The following CTNNA2 variants were observed in gnomAD, a reference collection of about 807,000 sequenced individuals.
CTNNA2 encodes catenin alpha 2, also known as catenin alpha-2.
In CTNNA2, 42 loss-of-function variants were observed where a neutral mutation model predicts 101.0. The observed-to-expected ratio is 0.42, with a 90% confidence interval of 0.32 to 0.54. The LOEUF is 0.54. Ranked by LOEUF, CTNNA2 falls within the 20% of genes least tolerant of loss-of-function variation. The pLI is 0.14. For missense variants in CTNNA2, 871 were observed against 1,223.1 expected (o/e 0.71, Z 4.29); for synonymous variants, 450 against 456.4 (o/e 0.99, Z 0.18).
At chr2:79,366,871 T>G (rs1677762276) in intron 3 of CTNNA2, among the ~76,000 whole-genome samples, 1 of 152,166 alleles carries the variant, frequency 6.6e-6, no homozygotes, top group South Asian at 2.1e-4. Context: ...GAAAAAGTGT[T>G]GGGTGAGTGG....
chr2:79,387,619 G>C (rs1678119311), intron 4 of CTNNA2, among the ~76,000 whole-genome samples: 1 of 152,166 alleles, frequency 6.6e-6, no homozygotes, highest in Non-Finnish European at 1.5e-5. Context: ...GCACAGGTTG[G>C]CACCGACACT....
At chr2:79,487,248 T>C (rs1671167250) in intron 4 of CTNNA2, among the ~76,000 whole-genome samples, 1 of 2,154 alleles carries the variant, frequency 4.6e-4, no homozygotes, top group African/African-American at 4.0e-3. Context: ...AAATATTCTA[T>C]ACGTTGCAAA....
At chr2:79,750,645 G>A (rs1475485983) in intron 3 of CTNNA2, among the ~76,000 whole-genome samples, 2 of 151,978 alleles carry the variant, frequency 1.3e-5, no homozygotes, top group East Asian at 1.9e-4. Flanking sequence ...GGCAGATCAC[G>A]AGGTTAGGAG....
At chr2:79,187,270 C>CTTTTCTTTTCT (rs1242631840) in intron 1 of CTNNA2, among the ~76,000 whole-genome samples, 3 of 65,438 alleles carry the variant, frequency 4.6e-5, no homozygotes, top group East Asian at 9.2e-4. Flanking sequence ...CTTTTCTTTT[C>CTTTTCTTTTCT]TTTTTTTTTT....
At chr2:79,620,407 G>T (rs77188193) in intron 1 of CTNNA2, among the ~76,000 whole-genome samples, 3,723 of 152,142 alleles carry the variant, frequency 0.024, 146 homozygotes, top group African/African-American at 0.085. Context: ...TTCCTTTCAG[G>T]ATAGTGAAAT....
chr2:79,469,765 C>G (rs1251916828), intron 4 of CTNNA2, among the ~76,000 whole-genome samples: 2 of 152,038 alleles, frequency 1.3e-5, no homozygotes, highest in Admixed American at 6.5e-5. Context: ...ATAAACAGAA[C>G]CAAAGACAAA....
chr2:79,926,075 CTGTT>C (rs532809049), intron 7 of CTNNA2, among the ~76,000 whole-genome samples: 14 of 152,100 alleles, frequency 9.2e-5, no homozygotes, highest in Non-Finnish European at 2.1e-4. Context: ...CTTCTTATCA[CTGTT>C]TGGCTATCAA....
At chr2:80,406,259 G>A (rs1203883742) in intron 8 of CTNNA2, among the ~76,000 whole-genome samples, 3 of 152,058 alleles carry the variant, frequency 2.0e-5, no homozygotes, top group Admixed American at 1.3e-4. Context: ...ACTTGAACCC[G>A]GGAGGCGGAG....
intron 8 of CTNNA2, among the ~76,000 whole-genome samples, chr2:80,408,181 C>G (rs1573968236): frequency 6.6e-6 from 1 of 152,052 alleles, no homozygotes; most frequent in Non-Finnish European, 1.5e-5. Context: ...GGGTTCCTCC[C>G]CAGGTGCTTA....
chr2:80,295,430 G>C lies in CTNNA2; in HGVS notation c.1057-97781G>C, dbSNP rs1004336337. Among the ~76,000 whole-genome samples the C allele has an allele frequency of 3.0e-4, 45 of 152,208 alleles. 1 individual carries two copies. The highest frequency in any genetic ancestry group is 9.6e-4 in the African/African-American group (40 of 41,540). ...CAGCATGTCCACCTACCTCTCTGAAGCCCCTGACTCTCAGTGAATTTTTTT... is the reference window on the plus strand; with the variant it reads ...CAGCATGTCCACCTACCTCTCTGAACCCCCTGACTCTCAGTGAATTTTTTT... On this transcript the variant is annotated intron_variant, in intron 7 of 18. Transcript: ENST00000402739.
intron 9 of CTNNA2, among the ~76,000 whole-genome samples, chr2:80,423,690 A>G (rs1680732070): frequency 6.6e-6 from 1 of 152,154 alleles, no homozygotes; most frequent in Non-Finnish European, 1.5e-5. Flanking sequence ...AGACAGGTTT[A>G]TTGCTCATGT....
Position 80,270,814 on chromosome 2 carries a change from G to T in CTNNA2, c.1057-122397G>T, listed in dbSNP as rs944640353. ...AATAAATTGAACAAAGTTTGGAGAGGTTATTTACAATAACAATTCATTCTG... is the reference window on the plus strand; with the variant it reads ...AATAAATTGAACAAAGTTTGGAGAGTTTATTTACAATAACAATTCATTCTG... On this transcript the variant is annotated intron_variant, in intron 7 of 18. Coordinates refer to ENST00000402739, the MANE Select transcript of CTNNA2 (RefSeq NM_001282597.3). Among the ~76,000 whole-genome samples the T allele has an allele frequency of 5.9e-5, 9 of 152,134 alleles. No homozygotes were observed. In the South Asian group the frequency reaches 1.3e-3, roughly 21 times the overall value.
chr2:79,917,685 C>T (rs1179145456), intron 7 of CTNNA2, among the ~76,000 whole-genome samples: 5 of 152,080 alleles, frequency 3.3e-5, no homozygotes, highest in African/African-American at 7.2e-5. Flanking sequence ...TACTGTAATG[C>T]GATCTTAGAG....
rs1007776964 is a variant in CTNNA2, at chr2:79,754,904, A to C, written c.298+10322A>C. 2.6e-5 allele frequency among the ~76,000 whole-genome samples: 4 copies of C among 152,166 alleles called. No individual in the cohort carries two copies. In the East Asian group the frequency reaches 7.7e-4, roughly 29 times the overall value. On this transcript the variant is annotated intron_variant, in intron 3 of 18. Transcript: ENST00000402739. The stretch of plus-strand genomic sequence containing the variant: ...TGGGGAAAGAAGAGTATTCTAGGAC[A>C]GAAAATGGGGATACAAGAGGCAAAT...
At chr2:80,571,895 C>T (rs1239921600) in intron 12 of CTNNA2, among the ~76,000 whole-genome samples, 1 of 152,118 alleles carries the variant, frequency 6.6e-6, no homozygotes, top group African/African-American at 2.4e-5. Context: ...TTCTTCTTAA[C>T]TCTTTGAATA....
rs564191621 is a variant in CTNNA2 at position 79,242,638 on chromosome 2, G to A, written c.-406+44562G>A. On this transcript the variant is annotated intron_variant, in intron 2 of 21. Coordinates refer to the CTNNA2 transcript ENST00000466387. ...TATATTCAAATTTCCTCCATTCCAC[G>A]AAGGTATTGGAGAGCTATTAGAATT... 9.8e-4 allele frequency among the ~76,000 whole-genome samples: 149 copies of A among 152,110 alleles called. 2 individuals are homozygous for A. In the Middle Eastern group the frequency reaches 0.014, roughly 14 times the overall value.
At chr2:80,221,744 C>T (rs1348285115) in intron 7 of CTNNA2, among the ~76,000 whole-genome samples, 1 of 152,094 alleles carries the variant, frequency 6.6e-6, no homozygotes, top group Non-Finnish European at 1.5e-5. Context: ...TTATAAACTG[C>T]CTGAGCAATC....
intron 7 of CTNNA2, among the ~76,000 whole-genome samples, chr2:80,189,393 T>A (rs565896320): frequency 6.6e-6 from 1 of 152,368 alleles, no homozygotes; most frequent in South Asian, 2.1e-4. Context: ...CAACTCTAGC[T>A]GAGCTAGCCA....
chr2:79,351,851 T>C (rs1483133450), intron 3 of CTNNA2, among the ~76,000 whole-genome samples: 1 of 152,182 alleles, frequency 6.6e-6, no homozygotes, highest in Non-Finnish European at 1.5e-5. Context: ...GAACATCGTA[T>C]TTGATTCCAT....
Sources: allele counts gnomAD v4.1 joint callset (sites outside exome capture counted in the v4.1 genomes callset), GRCh38; gene constraint gnomAD v4.1.1; transcripts MANE v1.5; gene names NCBI Gene and HGNC (gene_info 2026-07-23, HGNC 2026-07-21).